The following SRGAP2C variants were observed in gnomAD, a reference collection of about 807,000 sequenced individuals.
The protein encoded by SRGAP2C is SLIT-ROBO Rho GTPase-activating protein 2C.
In SRGAP2C, 15 loss-of-function variants were observed where a neutral mutation model predicts 25.1. That is an observed-to-expected ratio of 0.60 (90% confidence interval 0.40 to 0.92). SRGAP2C has a LOEUF of 0.92. SRGAP2C is among the 40% of genes least tolerant of loss of function. The probability of loss-of-function intolerance (pLI) is 0.00; values close to 1 mark genes in which losing one functional copy is unlikely to be tolerated. For synonymous variants in SRGAP2C, 44 were observed against 96.6 expected, an observed-to-expected ratio of 0.46 and a Z score of 3.19; for missense variants, 144 against 264.4, an observed-to-expected ratio of 0.54 and a Z score of 3.16.
At chr1:121,336,171 C>G (rs1226117341) in intron 4 of SRGAP2C, among the ~76,000 whole-genome samples, 6 of 152,176 alleles carry the variant, frequency 3.9e-5, no homozygotes, top group Non-Finnish European at 4.4e-5. Flanking sequence ...CCTAAGATGA[C>G]CAACTATCCT....
In SRGAP2C at chr1:121,208,511, G is replaced by C. The variant is rs587674987; in HGVS notation, c.67+20998G>C. Among the ~76,000 whole-genome samples the C allele has an allele frequency of 8.1e-4, 123 of 152,290 alleles. No homozygotes were observed. The Middle Eastern group carries it at 0.01, about 13-fold the overall frequency. On this transcript the variant is annotated intron_variant, in intron 2 of 9. Transcript: ENST00000367123. ...AGTGCGAGCCTCTGAATACGGATGG[G>C]TAAATGATAAATAGCAAGTCTGCCA... is the stretch of plus-strand genomic sequence containing the variant.
intron 3 of SRGAP2C, among the ~76,000 whole-genome samples, chr1:121,305,895 G>A (rs1343775879): frequency 4.0e-5 from 6 of 150,432 alleles, no homozygotes; most frequent in Non-Finnish European, 8.9e-5. Flanking sequence ...TCCTCACTTA[G>A]CAAAGGCTGG....
At chr1:121,324,016 A>G (rs1658266994) in intron 3 of SRGAP2C, among the ~76,000 whole-genome samples, 2 of 152,198 alleles carry the variant, frequency 1.3e-5, no homozygotes, top group Non-Finnish European at 2.9e-5. Flanking sequence ...CTAGCCAGAC[A>G]ATGCAGAACT....
chr1:121,275,033 GTTTAAATCCCCCCC>G, intron 2 of SRGAP2C, among the ~76,000 whole-genome samples: 1 of 148,178 alleles, frequency 6.7e-6, no homozygotes, highest in Non-Finnish European at 1.5e-5. Flanking sequence ...CCTCGCTTCT[GTTTAAATCCCCCCC>G]ACCCAAGGTC....
chr1:121,377,892 T>C (rs1438866187), intron 7 of SRGAP2C, among the ~76,000 whole-genome samples: 1 of 150,782 alleles, frequency 6.6e-6, no homozygotes, highest in Non-Finnish European at 1.5e-5. Context: ...TTGGTAAGAT[T>C]ATGTGAAACT....
intron 4 of SRGAP2C, among the ~76,000 whole-genome samples, chr1:121,359,960 G>A (rs868912113): frequency 1.5e-4 from 22 of 151,686 alleles, no homozygotes; most frequent in Non-Finnish European, 1.8e-4. Flanking sequence ...ACCAATCAGC[G>A]CTCTGTGTCT....
At chr1:121,343,144 C>A (rs1328805864) in intron 4 of SRGAP2C, among the ~76,000 whole-genome samples, 1 of 151,924 alleles carries the variant, frequency 6.6e-6, no homozygotes, top group Non-Finnish European at 1.5e-5. Context: ...TGTTACCCAA[C>A]CACAAAAGAA....
At chr1:121,255,354 C>T (rs587612607) in intron 2 of SRGAP2C, among the ~76,000 whole-genome samples, 1 of 151,926 alleles carries the variant, frequency 6.6e-6, no homozygotes, top group East Asian at 1.9e-4. Flanking sequence ...AGTGCTTCTA[C>T]AATGGGATAT....
At chr1:121,267,382 G>A (rs1433983485) in intron 2 of SRGAP2C, among the ~76,000 whole-genome samples, 1 of 150,868 alleles carries the variant, frequency 6.6e-6, no homozygotes, top group Non-Finnish European at 1.5e-5. Flanking sequence ...AGTAGAGATG[G>A]GGTTCTGCCA....
chr1:121,254,432 T>C (rs1553332010), intron 2 of SRGAP2C, among the ~76,000 whole-genome samples: 1 of 76,332 alleles, frequency 1.3e-5, no homozygotes. Flanking sequence ...TAAAAAAACA[T>C]TTAAAATAAC....
intron 2 of SRGAP2C, among the ~76,000 whole-genome samples, chr1:121,238,615 T>TA (rs1553329129): frequency 6.7e-6 from 1 of 148,662 alleles, no homozygotes; most frequent in African/African-American, 2.5e-5. Context: ...GCATTTTACT[T>TA]TTTTTTTTTC....
intron 2 of SRGAP2C, among the ~76,000 whole-genome samples, chr1:121,239,263 TA>T (rs1326821106): frequency 6.1e-4 from 1 of 1,646 alleles, no homozygotes; most frequent in Non-Finnish European, 8.2e-4. Flanking sequence ...TATATATATA[TA>T]TACTATATAT....
intron 2 of SRGAP2C, among the ~76,000 whole-genome samples, chr1:121,221,722 A>AC (rs1558085012): frequency 8.5e-6 from 1 of 118,184 alleles, no homozygotes; most frequent in Non-Finnish European, 1.7e-5. Context: ...AAAAAAAAAA[A>AC]AAAAAAAAAA....
chr1:121,312,546 T>C (rs1350542002), intron 3 of SRGAP2C, among the ~76,000 whole-genome samples: 2 of 106,626 alleles, frequency 1.9e-5, no homozygotes, highest in African/African-American at 3.6e-5. Context: ...TTTCCTGCTT[T>C]CTCTTGTGGG....
At chr1:121,379,072 C>G (rs1203278543) in intron 7 of SRGAP2C, among the ~76,000 whole-genome samples, 1 of 152,200 alleles carries the variant, frequency 6.6e-6, no homozygotes, top group Non-Finnish European at 1.5e-5. Context: ...TGTCCTCATG[C>G]ATAGCTGGAG....
intron 2 of SRGAP2C, among the ~76,000 whole-genome samples, chr1:121,237,463 A>G (rs1210557856): frequency 3.9e-5 from 6 of 152,214 alleles, no homozygotes; most frequent in South Asian, 2.1e-4. Context: ...ACTTCATTGT[A>G]TCAACTGGGA....
intron 3 of SRGAP2C, among the ~76,000 whole-genome samples, chr1:121,313,586 G>A (rs1553340223): frequency 2.9e-5 from 4 of 136,032 alleles, no homozygotes; most frequent in East Asian, 2.2e-4. Context: ...TCCATGTTTA[G>A]CACTTCCTTC....
chr1:121,204,659 C>T (rs587597932), intron 2 of SRGAP2C, among the ~76,000 whole-genome samples: 12 of 151,926 alleles, frequency 7.9e-5, no homozygotes, highest in Admixed American at 7.9e-4. Context: ...ATTCTGTTTA[C>T]TCATTGTTGA....
At chr1:121,347,091 G>A (rs587765891) in intron 4 of SRGAP2C, among the ~76,000 whole-genome samples, 1 of 141,896 alleles carries the variant, frequency 7.0e-6, no homozygotes, top group South Asian at 2.4e-4. Context: ...TAACCTGGTT[G>A]GGGACCCAGG....
Sources: allele counts gnomAD v4.1 joint callset (sites outside exome capture counted in the v4.1 genomes callset), GRCh38; gene constraint gnomAD v4.1.1; transcripts MANE v1.5; gene names NCBI Gene and HGNC (gene_info 2026-07-23, HGNC 2026-07-21).